Variants in CEP170 observed in about 807,000 individuals in gnomAD.
CEP170 encodes centrosomal protein 170.
In CEP170, 21 loss-of-function variants were observed where a neutral mutation model predicts 151.9. The observed-to-expected ratio is 0.14, with a 90% CI of 0.10 to 0.20. The LOEUF (loss-of-function observed/expected upper bound fraction) is 0.20. CEP170 is among the 10% of genes least tolerant of loss of function. The pLI, the probability that CEP170 is intolerant of heterozygous loss-of-function variation, is 1.00. For missense variants in CEP170, 964 were observed against 1,892.9 expected, an observed-to-expected ratio of 0.51 and a Z score of 9.11; for synonymous variants, 356 against 648.8, an observed-to-expected ratio of 0.55 and a Z score of 6.86.
chr1:243,212,457 T>C (rs2061893853), intron 3 of CEP170, among the ~76,000 whole-genome samples: 1 of 152,214 alleles, frequency 6.6e-6, no homozygotes, highest in Non-Finnish European at 1.5e-5. Context: ...AGTTGTCATA[T>C]GGGTCCTTTG....
chr1:243,199,531 T>C (rs1356079595), intron 6 of CEP170, among the ~76,000 whole-genome samples: 3 of 152,194 alleles, frequency 2.0e-5, no homozygotes, highest in Non-Finnish European at 4.4e-5. Flanking sequence ...AGACAGAAAG[T>C]GACCTCAGAA....
chr1:243,134,358 A>T (rs370437654), intron 17 of CEP170, among the ~76,000 whole-genome samples: 2 of 152,244 alleles, frequency 1.3e-5, no homozygotes, highest in East Asian at 1.9e-4. Context: ...TTTAAAATTC[A>T]TAAGAATATA....
rs376582295 is a variant in CEP170, at chr1:243,165,155, T to C, written c.2805A>G (p.Val935=). The C allele has an allele frequency of 2.2e-3, 3,537 of 1,613,572 alleles. 56 individuals are homozygous for C. In the African/African-American group the frequency reaches 0.042, roughly 19 times the overall value. Residue 935 remains valine (V), a synonymous_variant, in exon 13 of 20, where the codon GTA becomes GTG. Coordinates refer to ENST00000366542, the MANE Select transcript of CEP170 (RefSeq NM_014812.3). ...CCAGACTGATTGTACTAGCTGTATCTACATCAGATTCTGGTGAAATAGAAT... is the reference window on the plus strand; with the variant it reads ...CCAGACTGATTGTACTAGCTGTATCCACATCAGATTCTGGTGAAATAGAAT... ...RDNSISPESD[V]DTASTISLVT... is the part of the protein sequence containing the mutation.
Position 243,140,026 on chromosome 1 carries a change from T to C in CEP170, c.4141A>G (p.Asn1381Asp), listed in dbSNP as rs1378392194. 1.2e-6 allele frequency: 2 copies of C among 1,614,036 alleles called. No individual in the cohort carries two copies. Among genetic ancestry groups the C allele is most frequent in the Non-Finnish European group, 1.7e-6 (2 of 1,179,888 alleles). Residue 1381 changes from asparagine (N) to aspartate (D), a missense_variant, in exon 16 of 20, where the codon AAC (asparagine) becomes GAC (aspartate). Transcript: ENST00000366542. ...GGTCTTGGATCACCAGATCGACCGT[T>C]GTTTCCTTCTGGTGTTTTGGAATGA... Reference protein sequence around the residue: ...LVHSKTPEGNNGRSGDPRPQA... With the variant: ...LVHSKTPEGNDGRSGDPRPQA...
intron 3 of CEP170, among the ~76,000 whole-genome samples, chr1:243,215,977 C>G (rs533932190): frequency 1.3e-5 from 2 of 151,604 alleles, no homozygotes; most frequent in Non-Finnish European, 2.9e-5. Flanking sequence ...TGTGAAATAA[C>G]GTTGAATTAT....
chr1:243,132,267 AC>A (rs1405561726), intron 17 of CEP170, among the ~76,000 whole-genome samples: 3 of 152,196 alleles, frequency 2.0e-5, no homozygotes, highest in African/African-American at 7.2e-5. Flanking sequence ...CACAACTCAG[AC>A]CTACCTTTGA....
chr1:243,138,517 C>T (rs2055416011), intron 16 of CEP170, among the ~76,000 whole-genome samples: 1 of 152,018 alleles, frequency 6.6e-6, no homozygotes, highest in Admixed American at 6.6e-5. Flanking sequence ...TATGATCAAT[C>T]TCTTCTGGTC....
chr1:243,244,678 C>G (rs368977952), intron 1 of CEP170, among the ~76,000 whole-genome samples: 3 of 151,844 alleles, frequency 2.0e-5, no homozygotes, highest in Admixed American at 6.6e-5. Flanking sequence ...CCCACGAGAT[C>G]GAGGCTGCAG....
intron 13 of CEP170, chr1:243,156,723 T>C (rs1304389613): frequency 3.2e-6 from 1 of 315,778 alleles, no homozygotes; most frequent in Admixed American, 4.8e-5. Flanking sequence ...AGATGAAAAA[T>C]TTCGCTAATG....
At chr1:243,140,337 T>C (rs1399213238) in intron 15 of CEP170, 1 of 495,614 alleles carries the variant, frequency 2.0e-6, no homozygotes, top group African/African-American at 2.0e-5. Context: ...ATCCAAAATA[T>C]ATAACTATGT....
chr1:243,233,031 C>T (rs1376497786), intron 1 of CEP170, among the ~76,000 whole-genome samples: 1 of 152,142 alleles, frequency 6.6e-6, no homozygotes, highest in Non-Finnish European at 1.5e-5. Context: ...AATCATCTAA[C>T]CTTTGACAGC....
chr1:243,144,060 A>C (rs2056189467), intron 14 of CEP170, among the ~76,000 whole-genome samples: 1 of 152,228 alleles, frequency 6.6e-6, no homozygotes, highest in South Asian at 2.1e-4. Context: ...AGGCAGGAAA[A>C]ACACCAACAA....
chr1:243,226,181 C>A (rs1322221517), intron 1 of CEP170, among the ~76,000 whole-genome samples: 3 of 30,954 alleles, frequency 9.7e-5, no homozygotes, highest in Admixed American at 4.2e-4. Context: ...ATATATATAT[C>A]TAGATATATA....
intron 10 of CEP170, among the ~76,000 whole-genome samples, chr1:243,178,796 G>A (rs1011097152): frequency 4.6e-5 from 7 of 151,030 alleles, no homozygotes; most frequent in African/African-American, 1.7e-4. Context: ...TTGGCTCACT[G>A]CAACCTCCGC....
intron 4 of CEP170, among the ~76,000 whole-genome samples, chr1:243,202,994 G>T (rs2061158695): frequency 6.6e-6 from 1 of 152,108 alleles, no homozygotes; most frequent in African/African-American, 2.4e-5. Context: ...GAGCTTGAGA[G>T]GAGCCATCCT....
At chr1:243,145,643 T>C (rs1158091782) in intron 14 of CEP170, among the ~76,000 whole-genome samples, 2 of 152,192 alleles carry the variant, frequency 1.3e-5, no homozygotes, top group Admixed American at 6.5e-5. Context: ...TTCCAGAGGA[T>C]ACACACATGA....
chr1:243,153,196 C>T (rs933655797), intron 14 of CEP170, among the ~76,000 whole-genome samples: 1 of 152,168 alleles, frequency 6.6e-6, no homozygotes, highest in African/African-American at 2.4e-5. Context: ...CGTGATAAAA[C>T]ATTAACAGAT....
intron 1 of CEP170, among the ~76,000 whole-genome samples, chr1:243,249,699 G>C (rs1487969121): frequency 6.6e-6 from 1 of 152,006 alleles, no homozygotes; most frequent in Non-Finnish European, 1.5e-5. Flanking sequence ...ACTTTACATC[G>C]TAAAAGAATT....
intron 7 of CEP170, among the ~76,000 whole-genome samples, chr1:243,194,389 C>T (rs1330371213): frequency 1.3e-5 from 2 of 151,744 alleles, no homozygotes; most frequent in Non-Finnish European, 2.9e-5. Flanking sequence ...AATAGTAATA[C>T]TGATATTGAT....
Sources: allele counts gnomAD v4.1 joint callset (sites outside exome capture counted in the v4.1 genomes callset), GRCh38; gene constraint gnomAD v4.1.1; transcripts MANE v1.5; gene names NCBI Gene and HGNC (gene_info 2026-07-23, HGNC 2026-07-21).